Variants in FOXP2 observed in about 807,000 individuals in gnomAD.
The protein encoded by FOXP2 is forkhead box P2, also known as forkhead box protein P2.
FOXP2 carries 12 observed loss-of-function variants against 115.8 expected under a neutral mutation model. The ratio of observed to expected loss-of-function variants is 0.10; its 90% CI spans 0.07 to 0.17. The LOEUF (loss-of-function observed/expected upper bound fraction) is 0.17, where lower values mean the gene tolerates loss of function less well. Ranked by LOEUF, FOXP2 falls within the 10% of genes least tolerant of loss-of-function variation. The probability of loss-of-function intolerance (pLI) is 1.00; values close to 1 mark genes in which losing one functional copy is unlikely to be tolerated. For missense variants in FOXP2, 629 were observed against 843.5 expected (o/e 0.75, Z 3.15); for synonymous variants, 328 against 297.7 (o/e 1.10, Z -1.05).
intron 2 of FOXP2, among the ~76,000 whole-genome samples, chr7:114,315,459 C>T (rs1797252855): frequency 6.6e-6 from 1 of 152,072 alleles, no homozygotes; most frequent in East Asian, 1.9e-4. Flanking sequence ...ATTGATAAAA[C>T]CATGTTATGA....
At chr7:114,135,910 C>T (rs906090959) in intron 1 of FOXP2, among the ~76,000 whole-genome samples, 2 of 151,914 alleles carry the variant, frequency 1.3e-5, no homozygotes, top group African/African-American at 2.4e-5. Flanking sequence ...GGTATACTAC[C>T]GTATGTATTT....
At position 114,341,994 on chromosome 7, in the gene FOXP2, C is replaced by A. The variant is rs141234646; in HGVS notation, c.-11+53885C>A. Reference sequence around the variant, plus strand: ...GTCCGGGGACCCAACCTTCTTTATGCCTCATTTTGCACCTCGATAAAATGG... The same window carrying A: ...GTCCGGGGACCCAACCTTCTTTATGACTCATTTTGCACCTCGATAAAATGG... On this transcript the variant is annotated intron_variant, in intron 2 of 17. Transcript: ENST00000634411. 2.1e-4 allele frequency among the ~76,000 whole-genome samples: 32 copies of A among 151,390 alleles called. No individual in the cohort carries two copies. In the East Asian group the frequency reaches 5.4e-3, roughly 26 times the overall value.
Position 114,354,996 on chromosome 7 carries a change from T to A in FOXP2, c.-11+66887T>A, listed in dbSNP as rs149079782. On this transcript the variant is annotated intron_variant, in intron 2 of 17. Transcript: ENST00000634411. Reference sequence around the variant, plus strand: ...ATACTGAATTCTCTTTGAAGACATGTCATCCATTTATAATTATTTTACAAT... The same window carrying A: ...ATACTGAATTCTCTTTGAAGACATGACATCCATTTATAATTATTTTACAAT... Among the ~76,000 whole-genome samples the A allele has an allele frequency of 6.3e-3, 962 of 152,328 alleles. 2 individuals carry two copies. The highest frequency in any genetic ancestry group is 0.017 in the Middle Eastern group (5 of 294).
At chr7:114,141,162 G>A (rs1792197026) in intron 1 of FOXP2, among the ~76,000 whole-genome samples, 1 of 152,120 alleles carries the variant, frequency 6.6e-6, no homozygotes, top group African/African-American at 2.4e-5. Flanking sequence ...AGTAAGCTAA[G>A]TCACTCTTCT....
chr7:114,122,107 T>A (rs1791582464), intron 1 of FOXP2, among the ~76,000 whole-genome samples: 1 of 152,102 alleles, frequency 6.6e-6, no homozygotes, highest in Admixed American at 6.6e-5. Flanking sequence ...TATTTTGAGA[T>A]TTTCTTCATA....
chr7:114,573,932 T>A (rs1801444061), intron 3 of FOXP2, among the ~76,000 whole-genome samples: 1 of 151,772 alleles, frequency 6.6e-6, no homozygotes, highest in Non-Finnish European at 1.5e-5. Flanking sequence ...CAGATATAAT[T>A]GTATCAATTT....
chr7:114,574,770 G>A (rs1467722561), intron 3 of FOXP2, among the ~76,000 whole-genome samples: 1 of 151,836 alleles, frequency 6.6e-6, no homozygotes, highest in Non-Finnish European at 1.5e-5. Flanking sequence ...GAATGCTTAG[G>A]GTCTTTGTCT....
chr7:114,369,042 G>A (rs944734330), intron 2 of FOXP2, among the ~76,000 whole-genome samples: 2 of 152,198 alleles, frequency 1.3e-5, no homozygotes, highest in African/African-American at 2.4e-5. Flanking sequence ...GCACTTCCAA[G>A]GCTGGCATGT....
chr7:114,682,132 A>T (rs1003403581), intron 16 of FOXP2, among the ~76,000 whole-genome samples: 8 of 152,166 alleles, frequency 5.3e-5, no homozygotes, highest in Admixed American at 5.2e-4. Context: ...CTTTATGGGT[A>T]AAGAAATGGA....
At chr7:114,500,977 A>C (rs1671810001) in intron 2 of FOXP2, among the ~76,000 whole-genome samples, 1 of 152,162 alleles carries the variant, frequency 6.6e-6, no homozygotes, top group Non-Finnish European at 1.5e-5. Context: ...AACTCACTAT[A>C]GGAGGTGACT....
intron 2 of FOXP2, among the ~76,000 whole-genome samples, chr7:114,362,874 T>G (rs1163320047): frequency 3.3e-5 from 5 of 152,050 alleles, no homozygotes; most frequent in African/African-American, 1.2e-4. Context: ...AAGAGGAGCA[T>G]AGCTGTTTGG....
chr7:114,434,695 A>G (rs1264916718), intron 2 of FOXP2, among the ~76,000 whole-genome samples: 2 of 152,090 alleles, frequency 1.3e-5, no homozygotes, highest in Non-Finnish European at 2.9e-5. Context: ...ATTAGGAGGT[A>G]TAAAACAGCT....
At chr7:114,576,975 T>G (rs778140234) in intron 3 of FOXP2, among the ~76,000 whole-genome samples, 1 of 151,936 alleles carries the variant, frequency 6.6e-6, no homozygotes, top group Non-Finnish European at 1.5e-5. Context: ...TACACATATC[T>G]AAGCAATTAT....
At chr7:114,517,138 T>C (rs1337405019) in intron 2 of FOXP2, among the ~76,000 whole-genome samples, 1 of 152,178 alleles carries the variant, frequency 6.6e-6, no homozygotes, top group African/African-American at 2.4e-5. Context: ...GTTGGTCATG[T>C]GTATATCTTC....
chr7:114,426,454 G>C (rs756570316), intron 1 of FOXP2, 48 bp from the exon 2 acceptor site: 1 of 1,549,656 alleles, frequency 6.5e-7, no homozygotes, highest in Non-Finnish European at 8.9e-7. Context: ...GATAATGGAA[G>C]TGTGAAGGTG....
intron 3 of FOXP2, among the ~76,000 whole-genome samples, chr7:114,572,974 A>G (rs1389465787): frequency 2.6e-5 from 4 of 151,818 alleles, no homozygotes; most frequent in Non-Finnish European, 4.4e-5. Flanking sequence ...CTTTGAATGC[A>G]GTGTTAAGTA....
intron 1 of FOXP2, among the ~76,000 whole-genome samples, chr7:114,250,959 T>A (rs1308791347): frequency 6.6e-6 from 1 of 152,214 alleles, no homozygotes; most frequent in Non-Finnish European, 1.5e-5. Context: ...TAATCCATCT[T>A]GAATGAATTT....
chr7:114,566,532 G>T (rs1021483091), intron 3 of FOXP2, among the ~76,000 whole-genome samples: 2 of 151,992 alleles, frequency 1.3e-5, no homozygotes, highest in Non-Finnish European at 2.9e-5. Context: ...TTCTACACAC[G>T]TGTTTCCCCT....
intron 1 of FOXP2, among the ~76,000 whole-genome samples, chr7:114,102,081 T>C (rs1790984943): frequency 6.6e-6 from 1 of 152,032 alleles, no homozygotes; most frequent in East Asian, 1.9e-4. Context: ...AAATTTTTTG[T>C]TTTTTGGTCT....
Sources: allele counts gnomAD v4.1 joint callset (sites outside exome capture counted in the v4.1 genomes callset), GRCh38; gene constraint gnomAD v4.1.1; transcripts MANE v1.5; gene names NCBI Gene and HGNC (gene_info 2026-07-23, HGNC 2026-07-21).